Variants in DLG2 observed in about 807,000 individuals in gnomAD.
DLG2 encodes discs large MAGUK scaffold protein 2.
In DLG2, 45 loss-of-function variants were observed where a neutral mutation model predicts 132.5. That is an observed-to-expected ratio of 0.34 (90% CI 0.27 to 0.44). The LOEUF (loss-of-function observed/expected upper bound fraction) is 0.44. DLG2 is among the 20% of genes least tolerant of loss of function. The probability of loss-of-function intolerance (pLI) is 1.00; values close to 1 mark genes in which losing one functional copy is unlikely to be tolerated. For missense variants in DLG2, 1,045 were observed against 1,196.9 expected (o/e 0.87, Z 1.87); for synonymous variants, 424 against 419.6 (o/e 1.01, Z -0.13).
rs551089568 is a variant in DLG2, at chr11:84,634,016, G to GCATA, written c.358-99289_358-99286dup. 1.3e-4 allele frequency among the ~76,000 whole-genome samples: 20 copies of GCATA among 152,090 alleles called. No homozygotes were observed. The East Asian group carries it at 1.5e-3, about 12-fold the overall frequency. On this transcript the variant is annotated intron_variant, in intron 6 of 27. Coordinates refer to ENST00000376104, the MANE Select transcript of DLG2 (RefSeq NM_001142699.3). ...TAGCCATATTCTTTAAAGAAAAAAA[G>GCATA]CATACATACATACATACATACTACC... is the stretch of plus-strand genomic sequence containing the variant.
chr11:84,549,948 G>A (rs2099398430), intron 6 of DLG2, among the ~76,000 whole-genome samples: 1 of 151,958 alleles, frequency 6.6e-6, no homozygotes, highest in Non-Finnish European at 1.5e-5. Flanking sequence ...TAGAGACAGT[G>A]TTTCTCCATG....
chr11:84,082,717 A>G (rs1006767852), intron 10 of DLG2, among the ~76,000 whole-genome samples: 1 of 152,204 alleles, frequency 6.6e-6, no homozygotes, highest in Non-Finnish European at 1.5e-5. Context: ...TGGATTTTGG[A>G]GTCAAACAGA....
At chr11:84,846,153 T>C (rs144928088) in intron 6 of DLG2, among the ~76,000 whole-genome samples, 2 of 152,212 alleles carry the variant, frequency 1.3e-5, no homozygotes, top group Non-Finnish European at 2.9e-5. Flanking sequence ...TCATACATAT[T>C]CTTATGAGGA....
intron 3 of DLG2, among the ~76,000 whole-genome samples, chr11:85,503,921 G>T (rs1050986223): frequency 6.6e-6 from 1 of 152,116 alleles, no homozygotes; most frequent in Non-Finnish European, 1.5e-5. Context: ...AACACAGTGA[G>T]ACCCTGTCTC....
intron 6 of DLG2, among the ~76,000 whole-genome samples, chr11:84,651,416 T>C (rs550887201): frequency 2.6e-5 from 4 of 152,324 alleles, no homozygotes; most frequent in South Asian, 2.1e-4. Flanking sequence ...AACTCAGTGA[T>C]ACTCTTCATA....
chr11:85,466,120 G>C (rs2092779613), intron 3 of DLG2, among the ~76,000 whole-genome samples: 1 of 152,196 alleles, frequency 6.6e-6, no homozygotes, highest in Non-Finnish European at 1.5e-5. Context: ...AGAAGTGTCT[G>C]TTAATATCCT....
intron 7 of DLG2, among the ~76,000 whole-genome samples, chr11:84,523,202 A>G (rs1218016121): frequency 1.3e-5 from 2 of 152,174 alleles, no homozygotes; most frequent in African/African-American, 4.8e-5. Context: ...TTTAATGTGA[A>G]ATAATTACCA....
At chr11:83,860,617 A>G (rs953902870) in intron 16 of DLG2, among the ~76,000 whole-genome samples, 3 of 152,190 alleles carry the variant, frequency 2.0e-5, no homozygotes, top group African/African-American at 7.2e-5. Flanking sequence ...CTTATCTCAG[A>G]TGAGACTTGG....
chr11:85,033,781 G>C (rs1292319651), intron 6 of DLG2, among the ~76,000 whole-genome samples: 2 of 152,158 alleles, frequency 1.3e-5, no homozygotes, highest in African/African-American at 4.8e-5. Context: ...TGGCAAATAA[G>C]AATGTAAGTT....
chr11:83,558,848 C>T (rs1452264357), intron 19 of DLG2, among the ~76,000 whole-genome samples: 3 of 142,338 alleles, frequency 2.1e-5, no homozygotes, highest in East Asian at 2.1e-4. Flanking sequence ...TGCTAGATGT[C>T]GTGTGTGTGT....
At chr11:84,523,863 T>A (rs1038485240) in intron 7 of DLG2, among the ~76,000 whole-genome samples, 6 of 152,084 alleles carry the variant, frequency 3.9e-5, no homozygotes, top group Non-Finnish European at 7.4e-5. Flanking sequence ...TTTTAAAACT[T>A]ATTATGATTT....
At position 84,468,075 on chromosome 11, in the gene DLG2, T is replaced by A. The variant is rs145123138; in HGVS notation, c.519+66495A>T. ...CCTACTTTGCAGTTTTATAATGGAA[T>A]TAAACATGAATAACCTAAAAAACAA... On this transcript the variant is annotated intron_variant, in intron 7 of 27. Transcript: ENST00000376104. 5.9e-4 allele frequency among the ~76,000 whole-genome samples: 90 copies of A among 151,716 alleles called. No homozygotes were observed. The East Asian group carries it at 0.011, about 18-fold the overall frequency.
In DLG2 at chr11:85,134,159, T is replaced by C. The variant is rs187306231; in HGVS notation, c.282+20397A>G. ...AGAAAATACATAGTCAACTGGACCA[T>C]TGAAATATCAAAAATAAATGTCTAG... On this transcript the variant is annotated intron_variant, in intron 5 of 27. Transcript: ENST00000376104. 2.0e-4 allele frequency among the ~76,000 whole-genome samples: 30 copies of C among 151,996 alleles called. 1 individual carries two copies. The highest frequency in any genetic ancestry group is 4.6e-4 in the Admixed American group (7 of 15,276).
intron 4 of DLG2, among the ~76,000 whole-genome samples, chr11:85,201,040 C>T (rs916593087): frequency 6.6e-6 from 1 of 151,882 alleles, no homozygotes; most frequent in Non-Finnish European, 1.5e-5. Flanking sequence ...ATAGCAGATC[C>T]CAGTGTAGCC....
At chr11:85,405,607 A>G (rs1001642925) in intron 3 of DLG2, among the ~76,000 whole-genome samples, 1 of 151,990 alleles carries the variant, frequency 6.6e-6, no homozygotes, top group Non-Finnish European at 1.5e-5. Context: ...AATCTCCACA[A>G]CAACTCAGTG....
At chr11:84,867,733 A>G (rs1381399048) in intron 6 of DLG2, among the ~76,000 whole-genome samples, 1 of 152,164 alleles carries the variant, frequency 6.6e-6, no homozygotes, top group African/African-American at 2.4e-5. Context: ...GAATGTAAAC[A>G]CATCAAGGGT....
At chr11:84,475,906 T>A (rs1043539269) in intron 7 of DLG2, among the ~76,000 whole-genome samples, 1 of 152,024 alleles carries the variant, frequency 6.6e-6, no homozygotes, top group East Asian at 1.9e-4. Context: ...TATTTTTCCA[T>A]TTTGCAAAAA....
At chr11:83,628,990 A>T (rs1380689855) in intron 19 of DLG2, among the ~76,000 whole-genome samples, 1 of 152,158 alleles carries the variant, frequency 6.6e-6, no homozygotes, top group Non-Finnish European at 1.5e-5. Flanking sequence ...GTGTATATGT[A>T]TTTACTGGGT....
chr11:84,978,508 A>G (rs1036558689), intron 6 of DLG2, among the ~76,000 whole-genome samples: 2 of 151,914 alleles, frequency 1.3e-5, no homozygotes, highest in East Asian at 1.9e-4. Flanking sequence ...GGAACACAAC[A>G]GAGCCCTCTA....
Sources: gnomAD v4.1 joint callset for allele counts (sites outside exome capture counted in the v4.1 genomes callset) on GRCh38, gnomAD v4.1.1 for gene constraint, MANE v1.5 for transcripts, NCBI Gene and HGNC (gene_info 2026-07-23, HGNC 2026-07-21) for gene names.